COL24A1: variants seen among roughly 807,000 people sequenced by gnomAD.
COL24A1 encodes collagen type XXIV alpha 1 chain.
A neutral mutation model predicts 253.9 loss-of-function variants in COL24A1; 224 were observed. The observed-to-expected ratio is 0.88, with a 90% CI of 0.79 to 0.99. COL24A1 has a LOEUF of 0.99. COL24A1 is among the 50% of genes least tolerant of loss of function. The pLI, the probability that COL24A1 is intolerant of heterozygous loss-of-function variation, is 0.00. For missense variants in COL24A1, 2,131 were observed against 2,068.5 expected (o/e 1.03, Z -0.59); for synonymous variants, 685 against 673.7 (o/e 1.02, Z -0.26).
chr1:85,918,451 T>C (rs965393739), intron 24 of COL24A1, among the ~76,000 whole-genome samples: 3 of 152,200 alleles, frequency 2.0e-5, no homozygotes, highest in Non-Finnish European at 2.9e-5. Flanking sequence ...TGATGATTTG[T>C]CTGTTTTTCT....
rs767275621 is a variant in COL24A1 at position 85,842,065 on chromosome 1, A to C, written c.3570+3T>G. ...AGATTAAAAAGCCAATATATACACA[A>C]ACCTTTTCTCCTTTAGGTCCTGGCA... is the stretch of plus-strand genomic sequence containing the variant. On this transcript the variant is annotated splice_donor_region_variant and intron_variant, in intron 41 of 59. Transcript: ENST00000370571. The C allele has an allele frequency of 6.2e-7, 1 of 1,613,100 alleles. No homozygotes were observed.
rs1430918482 is a variant in COL24A1 at position 86,083,272 on chromosome 1, T to TGGGC, written c.1707+5898_1707+5901dup. On this transcript the variant is annotated intron_variant, in intron 7 of 59. Transcript: ENST00000370571. ...GAGATTGCACCACTGCACTCCAGCC[T>TGGGC]GGGCGACAGAGCGAGGCTCCGTCTC... Among the ~76,000 whole-genome samples, 3 of 150,868 alleles carry TGGGC rather than the reference T, an allele frequency of 2.0e-5. No individual in the cohort carries two copies. The East Asian group carries it at 6.4e-4, about 32-fold the overall frequency.
intron 19 of COL24A1, among the ~76,000 whole-genome samples, chr1:86,000,500 C>T (rs903353006): frequency 2.6e-5 from 4 of 152,152 alleles, no homozygotes; most frequent in African/African-American, 9.7e-5. Context: ...TCATCCAAAT[C>T]CAAGTCATAA....
chr1:85,883,351 C>T (rs12757388), intron 32 of COL24A1, among the ~76,000 whole-genome samples: 29,976 of 151,780 alleles, frequency 0.2, 3,321 homozygotes, highest in Non-Finnish European at 0.24. Context: ...CCCTGAGTAG[C>T]TGGGACTACA....
intron 28 of COL24A1, among the ~76,000 whole-genome samples, chr1:85,900,307 A>T (rs1352111843): frequency 6.6e-6 from 1 of 152,176 alleles, no homozygotes; most frequent in Non-Finnish European, 1.5e-5. Flanking sequence ...TCCTAAGCAG[A>T]AAGAATAAAG....
intron 22 of COL24A1, among the ~76,000 whole-genome samples, chr1:85,969,146 A>T (rs1040173628): frequency 6.6e-6 from 1 of 152,190 alleles, no homozygotes; most frequent in Non-Finnish European, 1.5e-5. Flanking sequence ...AAATAAGATC[A>T]ATTTTATTGG....
chr1:85,961,384 T>C, intron 23 of COL24A1, 91 bp from the exon 24 acceptor site: 14 of 1,039,964 alleles, frequency 1.3e-5, no homozygotes, highest in Non-Finnish European at 2.1e-5. Flanking sequence ...AATGTAATTA[T>C]CTAGTCATAA....
chr1:85,846,215 A>T (rs1217245742), intron 39 of COL24A1, among the ~76,000 whole-genome samples: 3 of 151,850 alleles, frequency 2.0e-5, no homozygotes, highest in Non-Finnish European at 4.4e-5. Context: ...TACACCTTAT[A>T]TAAAAAAATA....
At chr1:86,141,702 C>CTTTTTTTTTTTTTTTT (rs1230061696) in intron 2 of COL24A1, among the ~76,000 whole-genome samples, 9 of 142,254 alleles carry the variant, frequency 6.3e-5, no homozygotes, top group Non-Finnish European at 7.8e-5. Flanking sequence ...TAGTGTCTTA[C>CTTTTTTTTTTTTTTTT]TTTTTTTTTT....
intron 18 of COL24A1, among the ~76,000 whole-genome samples, chr1:86,017,947 T>TC (rs1173336779): frequency 2.0e-5 from 3 of 152,296 alleles, no homozygotes; most frequent in Admixed American, 6.5e-5. Context: ...GAAGCTAGTT[T>TC]CTGACATTCA....
intron 47 of COL24A1, among the ~76,000 whole-genome samples, chr1:85,787,674 C>T (rs573636998): frequency 5.3e-5 from 8 of 152,080 alleles, no homozygotes; most frequent in East Asian, 3.9e-4. Context: ...AATGAACATA[C>T]GCGTGCATGT....
At chr1:85,854,117 A>G (rs1678136167) in intron 37 of COL24A1, among the ~76,000 whole-genome samples, 1 of 152,166 alleles carries the variant, frequency 6.6e-6, no homozygotes. Flanking sequence ...TAAGCATTTA[A>G]TCCATCTTAA....
Position 86,092,459 on chromosome 1 carries a change from G to T in COL24A1, c.1600-139C>A, listed in dbSNP as rs550319098. The T allele has an allele frequency of 5.3e-6, 3 of 566,656 alleles. No individual in the cohort carries two copies. The East Asian group carries it at 1.0e-4, about 19-fold the overall frequency. The allele number at this position is 566,656 out of a possible 1,614,324, so 35.1% of individuals were successfully genotyped here. The stretch of plus-strand genomic sequence containing the variant: ...TAATTTTACATTGAGATAGGCATTG[G>T]TTATTTCATTTTTTAATGTATATTT... On this transcript the variant is annotated intron_variant, in intron 5 of 59. Transcript: ENST00000370571.
rs771247112 is a variant in COL24A1 at position 85,816,857 on chromosome 1, T to C, written c.3882A>G (p.Gly1294=). The C allele has an allele frequency of 1.9e-6, 3 of 1,614,082 alleles. No individual in the cohort carries two copies. The highest frequency in any genetic ancestry group is 2.5e-6 in the Non-Finnish European group (3 of 1,179,924). ...CTGAAATGCCATCTGCTCCATGGTA[T>C]CCTTGTATGCCTTTTGGCCCAAGTA... is the stretch of plus-strand genomic sequence containing the variant. ...QGLLGPKGIQ[G]YHGADGISGN... Residue 1294 remains glycine, a synonymous_variant, in exon 47 of 60, where the codon GGA becomes GGG. Coordinates refer to ENST00000370571, the MANE Select transcript of COL24A1 (RefSeq NM_152890.7).
At chr1:85,739,786 C>A (rs1461764195) in intron 57 of COL24A1, among the ~76,000 whole-genome samples, 1 of 152,044 alleles carries the variant, frequency 6.6e-6, no homozygotes, top group Non-Finnish European at 1.5e-5. Flanking sequence ...CTTACTTTTC[C>A]ACCAATGATC....
chr1:86,009,956 T>C (rs1303582924), intron 19 of COL24A1, among the ~76,000 whole-genome samples: 1 of 149,860 alleles, frequency 6.7e-6, no homozygotes, highest in Non-Finnish European at 1.5e-5. Flanking sequence ...TAAACTATGA[T>C]ACTGAAGCAA....
At chr1:86,154,397 C>A (rs1053248866) in intron 1 of COL24A1, 1 of 152,548 alleles carries the variant, frequency 6.6e-6, no homozygotes, top group Non-Finnish European at 1.5e-5. Context: ...ATGAGATAAC[C>A]AAGGGCTGCA....
intron 24 of COL24A1, among the ~76,000 whole-genome samples, chr1:85,912,996 A>T (rs527326106): frequency 2.5e-4 from 38 of 152,342 alleles, no homozygotes; most frequent in South Asian, 1.9e-3. Context: ...TAGAAAATTT[A>T]AAATTATATA....
intron 10 of COL24A1, among the ~76,000 whole-genome samples, chr1:86,055,850 CGGT>C (rs1700624213): frequency 6.6e-6 from 1 of 152,026 alleles, no homozygotes; most frequent in Admixed American, 6.6e-5. Context: ...GGGCTGAGCA[CGGT>C]GGCTCACACC....
Sources: allele counts gnomAD v4.1 joint callset (sites outside exome capture counted in the v4.1 genomes callset), GRCh38; gene constraint gnomAD v4.1.1; transcripts MANE v1.5; gene names NCBI Gene and HGNC (gene_info 2026-07-23, HGNC 2026-07-21).